DDX19A: variants seen among roughly 807,000 people sequenced by gnomAD.
DDX19A encodes DEAD-box helicase 19A.
A neutral mutation model predicts 60.6 loss-of-function variants in DDX19A; 12 were observed. The ratio of observed to expected loss-of-function variants is 0.20; its 90% CI spans 0.13 to 0.32. The LOEUF is 0.32. Ranked by LOEUF, DDX19A falls within the 10% of genes least tolerant of loss-of-function variation. The pLI is 1.00. For missense variants in DDX19A, 337 were observed against 600.6 expected (o/e 0.56, Z 4.59); for synonymous variants, 206 against 218.2 (o/e 0.94, Z 0.49).
intron 2 of DDX19A, among the ~76,000 whole-genome samples, chr16:70,353,032 G>C (rs991842310): frequency 5.3e-5 from 8 of 151,990 alleles, no homozygotes; most frequent in Non-Finnish European, 1.2e-4. Context: ...CATGAACTTA[G>C]CTCTTTTTAC....
chr16:70,366,449 A>T lies in DDX19A; in HGVS notation c.783-175A>T. On this transcript the variant is annotated intron_variant, in intron 8 of 11. Transcript: ENST00000302243. ...CTCCCAACCTGGGTTGAGAAAGGAG[A>T]CCTAGGGACTCTTCCCCAACCCTTG... is the stretch of plus-strand genomic sequence containing the variant. 5.8e-6 allele frequency: 7 copies of T among 1,216,976 alleles called. No individual in the cohort carries two copies. In the South Asian group the frequency reaches 1.1e-4, roughly 18 times the overall value. 75.4% of individuals were successfully genotyped at this position (1,216,976 alleles called of 1,614,324 possible). A position where few individuals can be genotyped will look rare whatever the true frequency, so the allele number is the denominator to read the frequency against.
intron 9 of DDX19A, among the ~76,000 whole-genome samples, chr16:70,369,746 T>A (rs996031610): frequency 1.3e-5 from 2 of 151,550 alleles, no homozygotes; most frequent in African/African-American, 4.9e-5. Context: ...CTCCCTCAAG[T>A]AGCTGGGACT....
Position 70,357,375 on chromosome 16 carries a change from T to G in DDX19A, c.293+1128T>G, listed in dbSNP as rs1350127185. On this transcript the variant is annotated intron_variant, in intron 4 of 11. Coordinates refer to ENST00000302243, the MANE Select transcript of DDX19A (RefSeq NM_018332.5). ...AATCTGTTTTTGGTTTGTTTTTTTT[T>G]TTTTTTTTTTTTTTTTTTTTTTTTT... Among the ~76,000 whole-genome samples the G allele has an allele frequency of 3.8e-3, 170 of 45,108 alleles. 8 individuals are homozygous for G. The highest frequency in any genetic ancestry group is 8.9e-3 in the African/African-American group (130 of 14,630). 29.6% of individuals were successfully genotyped at this position (45,108 alleles called of 152,430 possible).
intron 5 of DDX19A, chr16:70,363,506 T>G (rs1964429236): frequency 6.6e-6 from 1 of 151,968 alleles, no homozygotes; most frequent in South Asian, 2.1e-4. Flanking sequence ...CTGGCTAATT[T>G]TTGTATTTTT....
intron 5 of DDX19A, among the ~76,000 whole-genome samples, chr16:70,362,662 C>T (rs775208565): frequency 1.6e-4 from 24 of 152,094 alleles, no homozygotes; most frequent in Non-Finnish European, 2.8e-4. Flanking sequence ...ACTGCAGCCT[C>T]GACCTCCTGG....
In DDX19A at chr16:70,355,355, T is replaced by C; in HGVS notation, c.107-130T>C. 5.7e-6 allele frequency: 4 copies of C among 702,670 alleles called. No individual in the cohort carries two copies. In the East Asian group the frequency reaches 9.0e-5, roughly 16 times the overall value. The allele number at this position is 702,670 out of a possible 1,614,324, so 43.5% of individuals were successfully genotyped here. A position where few individuals can be genotyped will look rare whatever the true frequency, so the allele number is the denominator to read the frequency against. ...GCGCCATTGCACTCCAGCCTTGGGCTACAAGAGGAAAACTCCGTCTGAAAA... is the reference window on the plus strand; with the variant it reads ...GCGCCATTGCACTCCAGCCTTGGGCCACAAGAGGAAAACTCCGTCTGAAAA... On this transcript the variant is annotated intron_variant, in intron 2 of 11. Transcript: ENST00000302243.
chr16:70,367,711 C>G lies in DDX19A; in HGVS notation c.1020+850C>G, dbSNP rs1275436525. ...TGACCAACATGGAGAAACCTCGTCTCTACTAAAAATACAAAATTAACTGGG... is the reference window on the plus strand; with the variant it reads ...TGACCAACATGGAGAAACCTCGTCTGTACTAAAAATACAAAATTAACTGGG... On this transcript the variant is annotated intron_variant, in intron 9 of 11. Transcript: ENST00000302243. Among the ~76,000 whole-genome samples, 3 of 151,516 alleles carry G rather than the reference C, an allele frequency of 2.0e-5. 1 individual carries two copies. Among genetic ancestry groups the G allele is most frequent in the African/African-American group, 4.9e-5 (2 of 41,228 alleles).
At chr16:70,353,900 C>CAA (rs564352365) in intron 2 of DDX19A, among the ~76,000 whole-genome samples, 66 of 71,612 alleles carry the variant, frequency 9.2e-4, no homozygotes, top group African/African-American at 2.3e-3. Flanking sequence ...GACTCTGTCT[C>CAA]AAAAAAAAAA....
At chr16:70,352,439 CA>C (rs942960042) in intron 2 of DDX19A, among the ~76,000 whole-genome samples, 72 of 151,864 alleles carry the variant, frequency 4.7e-4, no homozygotes, top group African/African-American at 1.7e-3. Context: ...TGTCCGCCAT[CA>C]TGCCCAGCTA....
chr16:70,368,272 A>G (rs148401550), intron 9 of DDX19A, among the ~76,000 whole-genome samples: 3 of 152,144 alleles, frequency 2.0e-5, no homozygotes, highest in Admixed American at 2.0e-4. Flanking sequence ...TGCCAAAAGT[A>G]TTCTTTTTTT....
intron 1 of DDX19A, 162 bp downstream of exon 1, chr16:70,347,210 A>G (rs1963860068): frequency 3.0e-6 from 2 of 675,908 alleles, no homozygotes; most frequent in Non-Finnish European, 5.1e-6. Context: ...AGCTAAAGAG[A>G]CCAATGTCGA....
rs968273739 is a variant in DDX19A, at chr16:70,364,408, T to G, written c.387-135T>G. The G allele has an allele frequency of 4.8e-6, 3 of 631,226 alleles. No homozygotes were observed. The African/African-American group carries it at 5.5e-5, about 12-fold the overall frequency. The allele number at this position is 631,226 out of a possible 1,614,324, so 39.1% of individuals were successfully genotyped here. ...TATAAAAAAATGTATGAAAGTAATT[T>G]GTGCTCAATGGAGAAAACCTGGGTA... On this transcript the variant is annotated intron_variant, in intron 5 of 11. Transcript: ENST00000302243.
At position 70,355,485 on chromosome 16, in the gene DDX19A, G is replaced by T. The variant is rs772565279; in HGVS notation, c.107G>T (p.Gly36Val). 7 of 1,612,408 alleles carry T rather than the reference G, an allele frequency of 4.3e-6. No individual in the cohort carries two copies. The highest frequency in any genetic ancestry group is 1.7e-5 in the Admixed American group (1 of 59,998). The change falls in exon 3 of 12, where the codon GGT (glycine) becomes GTT (valine). Residue 36 changes from glycine (G) to valine (V), a missense_variant and splice_region_variant. By Grantham distance (109) the Gly-to-Val change is moderately radical. Transcript: ENST00000302243. Reference protein sequence around the residue: ...KEEKVKADTNGIIKTSTTAEK... With the variant: ...KEEKVKADTNVIIKTSTTAEK... ...TTATGACAATTGTTTTCTTGTGTAG[G>T]TATTATCAAAACCAGTACCACTGCC...
intron 2 of DDX19A, 119 bp from the exon 3 acceptor site, chr16:70,355,366 A>G (rs1964153208): frequency 1.3e-6 from 1 of 791,432 alleles, no homozygotes; most frequent in Non-Finnish European, 2.0e-6. Flanking sequence ...ACAAGAGGAA[A>G]ACTCCGTCTG....
chr16:70,364,497 T>G (rs1355326294), intron 5 of DDX19A, 46 bp from the exon 6 acceptor site: 4 of 1,414,898 alleles, frequency 2.8e-6, no homozygotes, highest in Non-Finnish European at 4.0e-6. Context: ...GACATGTTAC[T>G]GAGTTTCACC....
At chr16:70,356,938 G>GC (rs1964209960) in intron 4 of DDX19A, 1 of 415,212 alleles carries the variant, frequency 2.4e-6, no homozygotes, top group African/African-American at 3.4e-5. Context: ...TGTGCTATTT[G>GC]TTTTTTTTTT....
intron 4 of DDX19A, 120 bp downstream of exon 4, chr16:70,356,367 T>G: frequency 2.7e-6 from 4 of 1,487,060 alleles, no homozygotes; most frequent in Non-Finnish European, 3.6e-6. Context: ...TTTTCCTTTT[T>G]TTTTTCGAGA....
At chr16:70,370,611 G>A in intron 10 of DDX19A, 6 of 612,616 alleles carry the variant, frequency 9.8e-6, no homozygotes, top group Non-Finnish European at 1.5e-5. Context: ...CAGGAAAATT[G>A]CTTGAACCCT....
chr16:70,367,998 A>C (rs1423218584), intron 9 of DDX19A, among the ~76,000 whole-genome samples: 1 of 152,074 alleles, frequency 6.6e-6, no homozygotes. Context: ...CAACGTCGGG[A>C]GACCCCATTT....
Sources: allele counts gnomAD v4.1 joint callset (sites outside exome capture counted in the v4.1 genomes callset), GRCh38; gene constraint gnomAD v4.1.1; transcripts MANE v1.5; gene names NCBI Gene and HGNC (gene_info 2026-07-23, HGNC 2026-07-21).